Variants in FUT8 observed in about 807,000 individuals in gnomAD.
FUT8 encodes alpha-(1,6)-fucosyltransferase.
In FUT8, 29 loss-of-function variants were observed where a neutral mutation model predicts 71.3. The ratio of observed to expected loss-of-function variants is 0.41; its 90% CI spans 0.30 to 0.55. FUT8 has a LOEUF of 0.55. Ranked by LOEUF, FUT8 falls within the 20% of genes least tolerant of loss-of-function variation. The pLI is 0.34. For synonymous variants in FUT8, 254 were observed against 239.3 expected, an observed-to-expected ratio of 1.06 and a Z score of -0.57; for missense variants, 544 against 702.1, an observed-to-expected ratio of 0.77 and a Z score of 2.55.
upstream of FUT8, chr14:65,412,518 G>C (rs1486270276): frequency 2.8e-6 from 1 of 358,114 alleles, no homozygotes; most frequent in African/African-American, 2.1e-5. Context: ...CGGAGCCGGC[G>C]TGCGCAGCCG....
intron 2 of FUT8, among the ~76,000 whole-genome samples, chr14:65,559,260 A>G (rs1399112454): frequency 3.9e-5 from 6 of 152,140 alleles, no homozygotes; most frequent in African/African-American, 1.4e-4. Context: ...AAATTGTAAT[A>G]TCTGATATAT....
intron 2 of FUT8, among the ~76,000 whole-genome samples, chr14:65,545,053 T>G (rs927737025): frequency 6.6e-6 from 1 of 151,836 alleles, no homozygotes; most frequent in African/African-American, 2.4e-5. Context: ...CATTTCAGTT[T>G]AGTTGGTTTT....
At chr14:65,412,517 C>A, upstream of FUT8, 1 of 358,500 alleles carries the variant, frequency 2.8e-6, no homozygotes, top group African/African-American at 2.1e-5. Flanking sequence ...CCGGAGCCGG[C>A]GTGCGCAGCC....
At chr14:65,468,648 A>G (rs1403392041) in intron 2 of FUT8, among the ~76,000 whole-genome samples, 5 of 152,004 alleles carry the variant, frequency 3.3e-5, no homozygotes, top group Non-Finnish European at 7.4e-5. Context: ...TCATTTGCCT[A>G]TGTAAATATT....
intron 2 of FUT8, among the ~76,000 whole-genome samples, chr14:65,502,881 G>T (rs1289850513): frequency 6.6e-6 from 1 of 152,144 alleles, no homozygotes; most frequent in Non-Finnish European, 1.5e-5. Flanking sequence ...CCTGGGTAAG[G>T]CCTGAGATTG....
intron 2 of FUT8, among the ~76,000 whole-genome samples, chr14:65,532,381 AGTG>A (rs1486537221): frequency 3.9e-5 from 6 of 152,144 alleles, no homozygotes; most frequent in African/African-American, 1.4e-4. Context: ...AGTGATGTTG[AGTG>A]TTGATCAATG....
chr14:65,663,598 G>A (rs772226391), intron 6 of FUT8, among the ~76,000 whole-genome samples: 4 of 151,890 alleles, frequency 2.6e-5, no homozygotes, highest in African/African-American at 4.8e-5. Flanking sequence ...TCATTTTCTC[G>A]TATCACCCTT....
At chr14:65,718,584 AT>A (rs1262866386) in intron 7 of FUT8, among the ~76,000 whole-genome samples, 3 of 152,106 alleles carry the variant, frequency 2.0e-5, no homozygotes, top group Admixed American at 6.6e-5. Context: ...TCATTTTTTA[AT>A]TGCCCATTAA....
At chr14:65,464,259 G>T (rs371227740) in intron 2 of FUT8, among the ~76,000 whole-genome samples, 2,271 of 116,542 alleles carry the variant, frequency 0.019, 69 homozygotes, top group African/African-American at 0.07. Flanking sequence ...AGTACTTTGG[G>T]TTTTTTTTTT....
the FUT8 span, among the ~76,000 whole-genome samples, chr14:65,386,526 AAAAG>A: frequency 6.6e-5 from 10 of 150,652 alleles, no homozygotes; most frequent in South Asian, 2.1e-4. Flanking sequence ...AAAAAAAAAA[AAAAG>A]AAAGGGAAGT....
intron 2 of FUT8, among the ~76,000 whole-genome samples, chr14:65,471,600 T>C (rs1037137039): frequency 2.0e-5 from 3 of 152,134 alleles, no homozygotes; most frequent in Non-Finnish European, 4.4e-5. Flanking sequence ...CTGGCTTCAG[T>C]TGAGAGCTTG....
chr14:65,442,070 G>C (rs578219410), intron 1 of FUT8, among the ~76,000 whole-genome samples: 2 of 152,052 alleles, frequency 1.3e-5, no homozygotes, highest in Non-Finnish European at 2.9e-5. Context: ...GGTTTTCAAA[G>C]GGCTCCCAGA....
chr14:65,726,391 A>G (rs1295804822), intron 9 of FUT8, among the ~76,000 whole-genome samples: 3 of 152,242 alleles, frequency 2.0e-5, no homozygotes, highest in African/African-American at 4.8e-5. Context: ...CAAAAGTAAG[A>G]GGTTTAATAG....
chr14:65,560,242 A>G (rs1185680807), intron 2 of FUT8, among the ~76,000 whole-genome samples: 1 of 152,120 alleles, frequency 6.6e-6, no homozygotes, highest in Non-Finnish European at 1.5e-5. Flanking sequence ...CGTATACAGA[A>G]ACTATTTCTT....
intron 7 of FUT8, among the ~76,000 whole-genome samples, chr14:65,690,201 G>T (rs1165056768): frequency 2.6e-5 from 4 of 152,004 alleles, no homozygotes; most frequent in African/African-American, 9.7e-5. Context: ...TCTCTATGTG[G>T]GTCTTTTTCT....
chr14:65,505,168 A>G (rs1286773185), intron 2 of FUT8, among the ~76,000 whole-genome samples: 1 of 152,100 alleles, frequency 6.6e-6, no homozygotes, highest in African/African-American at 2.4e-5. Flanking sequence ...TGAGTTTTAC[A>G]TGCGTAACCA....
At chr14:65,539,855 C>G (rs1884572238) in intron 2 of FUT8, among the ~76,000 whole-genome samples, 2 of 152,094 alleles carry the variant, frequency 1.3e-5, no homozygotes, top group African/African-American at 2.4e-5. Context: ...AGAAAAAGAC[C>G]ACACTGTGTA....
In FUT8 at chr14:65,616,328, A is replaced by ATCTTT; in HGVS notation, c.437_438insTCTTT (p.Gln146HisfsTer3). ...AAGAACTTAGAAGGAAATGAACTCC[A>ATCTTT]AAGACATGCAGATGAATTTCTTTTG... On this transcript the variant is annotated frameshift_variant, in exon 5 of 11. Coordinates refer to ENST00000673929, the MANE Select transcript of FUT8 (RefSeq NM_001371533.1). LOFTEE classifies it high-confidence loss of function. The ATCTTT allele has an allele frequency of 6.2e-7, 1 of 1,610,680 alleles. No homozygotes were observed. The highest frequency in any genetic ancestry group is 8.5e-7 in the Non-Finnish European group (1 of 1,178,814).
At chr14:65,538,956 AC>A (rs1266489727) in intron 2 of FUT8, among the ~76,000 whole-genome samples, 1 of 151,962 alleles carries the variant, frequency 6.6e-6, no homozygotes, top group Non-Finnish European at 1.5e-5. Flanking sequence ...CACAAAAAAA[AC>A]GCTGCTTCTA....
Sources: gnomAD v4.1 joint callset for allele counts (sites outside exome capture counted in the v4.1 genomes callset) on GRCh38, gnomAD v4.1.1 for gene constraint, MANE v1.5 for transcripts, NCBI Gene and HGNC (gene_info 2026-07-23, HGNC 2026-07-21) for gene names.